Variants in TMOD2 observed in about 807,000 individuals in gnomAD.
The protein encoded by TMOD2 is tropomodulin-2.
A neutral mutation model predicts 39.9 loss-of-function variants in TMOD2; 22 were observed. The observed-to-expected ratio is 0.55, with a 90% CI of 0.39 to 0.79. TMOD2 has a LOEUF of 0.79. Ranked by LOEUF, TMOD2 falls within the 30% of genes least tolerant of loss-of-function variation. The probability of loss-of-function intolerance (pLI) is 0.00; values close to 1 mark genes in which losing one functional copy is unlikely to be tolerated. For missense variants in TMOD2, 386 were observed against 413.3 expected, an observed-to-expected ratio of 0.93 and a Z score of 0.57; for synonymous variants, 123 against 146.1, an observed-to-expected ratio of 0.84 and a Z score of 1.14.
rs1201717094 is a variant in TMOD2 at position 51,761,763 on chromosome 15, T to C, written c.-69-4610T>C. 2.0e-5 allele frequency among the ~76,000 whole-genome samples: 3 copies of C among 151,756 alleles called. 1 individual carries two copies. The South Asian group carries it at 6.2e-4, about 32-fold the overall frequency. ...AATTCAAATAGAATCTTATAAACTC[T>C]AAGATACCATTGATTGTAAAACTCT... On this transcript the variant is annotated intron_variant, in intron 1 of 9. Coordinates refer to ENST00000249700, the MANE Select transcript of TMOD2 (RefSeq NM_014548.4).
chr15:51,755,081 CCTAA>C (rs1243023035), intron 1 of TMOD2, among the ~76,000 whole-genome samples: 2 of 152,142 alleles, frequency 1.3e-5, no homozygotes, highest in African/African-American at 4.8e-5. Context: ...TCCTAAATTT[CCTAA>C]CTTTCTTCCT....
intron 9 of TMOD2, 143 bp downstream of exon 9, chr15:51,806,664 A>T (rs2056123668): frequency 7.7e-6 from 7 of 903,542 alleles, no homozygotes; most frequent in Non-Finnish European, 1.0e-5. Context: ...TTATTATAAT[A>T]CATGGTCATA....
intron 8 of TMOD2, among the ~76,000 whole-genome samples, chr15:51,803,245 A>G (rs2056102019): frequency 7.2e-6 from 1 of 138,078 alleles, no homozygotes; most frequent in African/African-American, 2.8e-5. Flanking sequence ...CAGTGGCGCC[A>G]TCTCGGCTCA....
At chr15:51,779,382 T>A (rs866959061) in intron 5 of TMOD2, among the ~76,000 whole-genome samples, 4 of 151,124 alleles carry the variant, frequency 2.6e-5, no homozygotes, top group South Asian at 2.1e-4. Context: ...AATGAGTAGA[T>A]AACTTTTTTT....
intron 1 of TMOD2, among the ~76,000 whole-genome samples, chr15:51,764,228 G>T (rs1046545473): frequency 6.6e-6 from 1 of 152,170 alleles, no homozygotes; most frequent in Non-Finnish European, 1.5e-5. Flanking sequence ...GAGGTGGGAG[G>T]ATCACTTGAG....
chr15:51,783,099 T>C (rs2055942759), intron 7 of TMOD2: 1 of 417,720 alleles, frequency 2.4e-6, no homozygotes, highest in South Asian at 2.3e-5. Context: ...TAGAGTTTGC[T>C]CTGTGCTTAG....
intron 7 of TMOD2, among the ~76,000 whole-genome samples, chr15:51,787,033 C>A (rs1015574390): frequency 5.9e-5 from 9 of 152,216 alleles, no homozygotes; most frequent in African/African-American, 2.2e-4. Flanking sequence ...CATCACCTCA[C>A]CCGGGAAGGG....
At chr15:51,787,152 C>G (rs961980031) in intron 7 of TMOD2, among the ~76,000 whole-genome samples, 2 of 152,250 alleles carry the variant, frequency 1.3e-5, no homozygotes, top group African/African-American at 4.8e-5. Flanking sequence ...ACAGTCTTCA[C>G]AACCAGCGGA....
chr15:51,794,770 TTTATTCTCTA>T (rs2056036611), intron 7 of TMOD2, among the ~76,000 whole-genome samples: 1 of 152,232 alleles, frequency 6.6e-6, no homozygotes, highest in South Asian at 2.1e-4. Flanking sequence ...TAGAAAATTT[TTTATTCTCTA>T]TTATAAAAGA....
chr15:51,751,913 A>T (rs1160135705), intron 1 of TMOD2, among the ~76,000 whole-genome samples: 2 of 142,510 alleles, frequency 1.4e-5, no homozygotes, highest in African/African-American at 2.6e-5. Context: ...CCGGGAGACC[A>T]GGCGCTGCGC....
At chr15:51,802,193 G>A (rs975096651) in intron 8 of TMOD2, among the ~76,000 whole-genome samples, 13 of 150,650 alleles carry the variant, frequency 8.6e-5, no homozygotes, top group Admixed American at 4.0e-4. Context: ...CTTTTATATA[G>A]CTATTAGCAT....
At chr15:51,797,518 CTTTTG>C (rs890576653) in intron 7 of TMOD2, among the ~76,000 whole-genome samples, 1 of 152,096 alleles carries the variant, frequency 6.6e-6, no homozygotes, top group East Asian at 1.9e-4. Flanking sequence ...AGATAATGGC[CTTTTG>C]TTTTGTTTTG....
intron 7 of TMOD2, among the ~76,000 whole-genome samples, chr15:51,793,615 T>A (rs1295200391): frequency 2.0e-5 from 3 of 152,244 alleles, no homozygotes; most frequent in African/African-American, 7.2e-5. Context: ...AATGTTATTA[T>A]TCCCAGCACA....
At chr15:51,789,402 A>G (rs552013114) in intron 7 of TMOD2, among the ~76,000 whole-genome samples, 3 of 152,196 alleles carry the variant, frequency 2.0e-5, no homozygotes, top group African/African-American at 4.8e-5. Flanking sequence ...CTCCCACACG[A>G]TAATAATGGG....
At chr15:51,782,533 A>G (rs116212469) in intron 6 of TMOD2, among the ~76,000 whole-genome samples, 188 bp from the exon 7 acceptor site, 99 of 152,348 alleles carry the variant, frequency 6.5e-4, no homozygotes, top group African/African-American at 2.3e-3. Flanking sequence ...AGATTCCCCT[A>G]TTGGACACTA....
At chr15:51,788,368 G>C (rs4534783) in intron 7 of TMOD2, among the ~76,000 whole-genome samples, 72,667 of 152,048 alleles carry the variant, frequency 0.48, 17,643 homozygotes, top group Admixed American at 0.54. Context: ...AAATATGGGA[G>C]TATGTGAAAA....
chr15:51,793,925 A>G (rs1273648819), intron 7 of TMOD2, among the ~76,000 whole-genome samples: 1 of 152,256 alleles, frequency 6.6e-6, no homozygotes, highest in Non-Finnish European at 1.5e-5. Flanking sequence ...ATTTAATTTT[A>G]ATCAAGGACC....
At chr15:51,764,452 A>G (rs2055802586) in intron 1 of TMOD2, among the ~76,000 whole-genome samples, 2 of 152,242 alleles carry the variant, frequency 1.3e-5, no homozygotes, top group Non-Finnish European at 2.9e-5. Flanking sequence ...CTATTCCAAT[A>G]GCCCTTAAGA....
intron 5 of TMOD2, among the ~76,000 whole-genome samples, chr15:51,780,548 T>C (rs1300524053): frequency 6.6e-6 from 1 of 152,222 alleles, no homozygotes; most frequent in Admixed American, 6.5e-5. Context: ...TCTTCCATTC[T>C]TCTTTTTTAT....
Sources: allele counts gnomAD v4.1 joint callset (sites outside exome capture counted in the v4.1 genomes callset), GRCh38; gene constraint gnomAD v4.1.1; transcripts MANE v1.5; gene names NCBI Gene and HGNC (gene_info 2026-07-23, HGNC 2026-07-21).